CNTNAP5: variants seen among roughly 807,000 people sequenced by gnomAD.
The protein encoded by CNTNAP5 is contactin-associated protein-like 5.
CNTNAP5 carries 72 observed loss-of-function variants against 150.2 expected under a neutral mutation model. The observed-to-expected ratio is 0.48, with a 90% CI of 0.40 to 0.58. The LOEUF (loss-of-function observed/expected upper bound fraction) is 0.58. Ranked by LOEUF, CNTNAP5 falls within the 20% of genes least tolerant of loss-of-function variation. The pLI, the probability that CNTNAP5 is intolerant of heterozygous loss-of-function variation, is 0.00. For synonymous variants in CNTNAP5, 672 were observed against 619.8 expected (o/e 1.08, Z -1.25); for missense variants, 1,636 against 1,626.2 (o/e 1.01, Z -0.10).
intron 11 of CNTNAP5, among the ~76,000 whole-genome samples, chr2:124,574,266 T>G (rs145427183): frequency 3.3e-5 from 5 of 152,328 alleles, no homozygotes; most frequent in South Asian, 4.1e-4. Context: ...AGTCACTTAC[T>G]TTTTGTGATC....
At position 124,869,721 on chromosome 2, in the gene CNTNAP5, A is replaced by C. The variant is rs765166067; in HGVS notation, c.3395A>C (p.Glu1132Ala). The C allele has an allele frequency of 3.1e-6, 5 of 1,612,274 alleles. No individual in the cohort carries two copies. The highest frequency in any genetic ancestry group is 1.7e-6 in the Non-Finnish European group (2 of 1,178,906). The change falls in exon 21 of 24, where the codon GAG becomes GCG. Residue 1132 changes from glutamate (E) to alanine (A), a missense_variant. Transcript: ENST00000682447. ...RLSYNFSPEV[E>A]FRVIRSLTLG... ...AGTTATAACTTCTCTCCGGAAGTAGAGTTCAGGGTTATAAGGTCACTCACC... is the reference window on the plus strand; with the variant it reads ...AGTTATAACTTCTCTCCGGAAGTAGCGTTCAGGGTTATAAGGTCACTCACC...
chr2:124,459,305 G>C (rs145346685), intron 6 of CNTNAP5, among the ~76,000 whole-genome samples: 2 of 152,222 alleles, frequency 1.3e-5, no homozygotes, highest in Non-Finnish European at 2.9e-5. Flanking sequence ...GTGAACAGGT[G>C]CTCTGAAAAC....
chr2:124,391,934 T>C (rs57349615), intron 3 of CNTNAP5, among the ~76,000 whole-genome samples: 15,760 of 152,024 alleles, frequency 0.1, 1,179 homozygotes, highest in African/African-American at 0.22. Context: ...CCAGCCTGGG[T>C]GACAGAGCGA....
chr2:124,309,359 C>T (rs1461950121), intron 3 of CNTNAP5, among the ~76,000 whole-genome samples: 1 of 152,058 alleles, frequency 6.6e-6, no homozygotes, highest in African/African-American at 2.4e-5. Context: ...CTGACATATA[C>T]TACAGATATT....
intron 3 of CNTNAP5, among the ~76,000 whole-genome samples, chr2:124,392,960 T>G (rs1470800137): frequency 6.6e-6 from 1 of 152,350 alleles, no homozygotes; most frequent in African/African-American, 2.4e-5. Context: ...AGGACAATTC[T>G]CAAAGTTGTT....
In CNTNAP5 at chr2:124,674,950, C is replaced by A. The variant is rs375556720; in HGVS notation, c.2077+26992C>A. 3.3e-5 allele frequency among the ~76,000 whole-genome samples: 5 copies of A among 151,976 alleles called. No homozygotes were observed. The East Asian group carries it at 7.8e-4, about 24-fold the overall frequency. ...TTGTGTACTTACAAGATTATGCATT[C>A]TGTTGCTATTTGGAGTTTTCTATTG... On this transcript the variant is annotated intron_variant, in intron 13 of 23. Transcript: ENST00000682447.
intron 3 of CNTNAP5, among the ~76,000 whole-genome samples, chr2:124,301,166 C>T (rs1688560498): frequency 6.6e-6 from 1 of 152,188 alleles, no homozygotes; most frequent in African/African-American, 2.4e-5. Flanking sequence ...CTTTTGCTTT[C>T]ATGATGGATT....
chr2:124,758,039 A>C (rs555182014), intron 14 of CNTNAP5, among the ~76,000 whole-genome samples: 140 of 152,268 alleles, frequency 9.2e-4, no homozygotes, highest in African/African-American at 3.2e-3. Context: ...GAATGATAGG[A>C]ATTAAGAGAG....
intron 6 of CNTNAP5, among the ~76,000 whole-genome samples, chr2:124,455,659 A>C (rs1693101748): frequency 6.6e-6 from 1 of 152,108 alleles, no homozygotes; most frequent in South Asian, 2.1e-4. Flanking sequence ...AGATGCAAAA[A>C]TCCTTAGCTA....
At chr2:124,530,711 C>A (rs1695084489) in intron 10 of CNTNAP5, among the ~76,000 whole-genome samples, 1 of 152,132 alleles carries the variant, frequency 6.6e-6, no homozygotes, top group African/African-American at 2.4e-5. Context: ...GAGAAGGAAG[C>A]AGTAGGAATT....
At position 124,151,699 on chromosome 2, in the gene CNTNAP5, A is replaced by G. The variant is rs576796634; in HGVS notation, c.83-70006A>G. ...GACAGATAACGCAGGACCTAGCTCT[A>G]TGGAGTTGTCTCGTGTAAAGATAAT... On this transcript the variant is annotated intron_variant, in intron 1 of 23. Coordinates refer to ENST00000682447, the MANE Select transcript of CNTNAP5 (RefSeq NM_001367498.1). 1.1e-4 allele frequency among the ~76,000 whole-genome samples: 16 copies of G among 152,352 alleles called. No individual in the cohort carries two copies. The South Asian group carries it at 3.1e-3, about 30-fold the overall frequency.
intron 13 of CNTNAP5, among the ~76,000 whole-genome samples, chr2:124,707,042 G>GAAGA (rs1558743488): frequency 2.6e-5 from 2 of 76,122 alleles, no homozygotes; most frequent in African/African-American, 1.1e-4. Flanking sequence ...GAAGAAGAAG[G>GAAGA]AGGAGGAGGA....
intron 2 of CNTNAP5, among the ~76,000 whole-genome samples, chr2:124,241,519 C>A (rs1479854445): frequency 6.6e-6 from 1 of 152,176 alleles, no homozygotes; most frequent in African/African-American, 2.4e-5. Flanking sequence ...CTGAGGCATT[C>A]TGTGCTCTGT....
intron 1 of CNTNAP5, among the ~76,000 whole-genome samples, chr2:124,046,216 G>A (rs999901626): frequency 3.3e-4 from 50 of 152,080 alleles, no homozygotes; most frequent in African/African-American, 1.2e-3. Context: ...CCCCCCAAAA[G>A]GGAAAAAGTC....
intron 1 of CNTNAP5, among the ~76,000 whole-genome samples, chr2:124,101,697 C>A (rs1220495104): frequency 3.3e-5 from 5 of 152,162 alleles, no homozygotes; most frequent in Non-Finnish European, 7.3e-5. Flanking sequence ...TTCAGCTATT[C>A]ACTCACTTCA....
intron 12 of CNTNAP5, among the ~76,000 whole-genome samples, chr2:124,621,599 A>G (rs1402051548): frequency 1.3e-5 from 2 of 152,214 alleles, no homozygotes; most frequent in Admixed American, 1.3e-4. Context: ...GTGTGATTGC[A>G]GTAATAGATT....
intron 1 of CNTNAP5, among the ~76,000 whole-genome samples, chr2:124,136,734 C>A (rs182363000): frequency 6.6e-6 from 1 of 152,104 alleles, no homozygotes; most frequent in Non-Finnish European, 1.5e-5. Flanking sequence ...GACTAGGGAA[C>A]GTGTAAGCAA....
chr2:124,651,578 T>G (rs1324581634), intron 13 of CNTNAP5, among the ~76,000 whole-genome samples: 1 of 152,220 alleles, frequency 6.6e-6, no homozygotes, highest in Non-Finnish European at 1.5e-5. Flanking sequence ...AAGGGGCAGA[T>G]CTAACTCTTG....
intron 13 of CNTNAP5, among the ~76,000 whole-genome samples, chr2:124,696,101 C>A (rs891581143): frequency 6.6e-6 from 1 of 152,080 alleles, no homozygotes; most frequent in Non-Finnish European, 1.5e-5. Flanking sequence ...CTGAGAATCA[C>A]CTCGGATGTT....
Sources: allele counts gnomAD v4.1 joint callset (sites outside exome capture counted in the v4.1 genomes callset), GRCh38; gene constraint gnomAD v4.1.1; transcripts MANE v1.5; gene names NCBI Gene and HGNC (gene_info 2026-07-23, HGNC 2026-07-21).